Variants in GPC5 observed in about 807,000 individuals in gnomAD.
GPC5 encodes the protein glypican 5.
A neutral mutation model predicts 53.9 loss-of-function variants in GPC5; 47 were observed. The ratio of observed to expected loss-of-function variants is 0.87; its 90% CI spans 0.69 to 1.11. The LOEUF (loss-of-function observed/expected upper bound fraction) is 1.11. GPC5 is among the 50% of genes most tolerant of loss of function. The probability of loss-of-function intolerance (pLI) is 0.00; values close to 1 mark genes in which losing one functional copy is unlikely to be tolerated. For synonymous variants in GPC5, 286 were observed against 263.3 expected (o/e 1.09, Z -0.84); for missense variants, 748 against 713.1 (o/e 1.05, Z -0.56).
intron 2 of GPC5, among the ~76,000 whole-genome samples, chr13:91,542,165 G>T (rs927195808): frequency 2.0e-5 from 3 of 151,928 alleles, no homozygotes; most frequent in African/African-American, 2.4e-5. Context: ...CATGAAATTG[G>T]GTTTTATTCT....
chr13:91,829,403 A>G lies in GPC5; in HGVS notation c.1280+72983A>G, dbSNP rs189704543. On this transcript the variant is annotated intron_variant, in intron 5 of 7. Transcript: ENST00000377067. ...AAGACTGGATCCTGTACTGGGAAAA[A>G]CTATGGAGGACATAATGAGGACATA... 9.3e-3 allele frequency among the ~76,000 whole-genome samples: 1,420 copies of G among 152,184 alleles called. 9 individuals are homozygous for G. The highest frequency in any genetic ancestry group is 0.024 in the South Asian group (114 of 4,826).
intron 7 of GPC5, among the ~76,000 whole-genome samples, chr13:92,424,100 T>C (rs1016498348): frequency 6.6e-6 from 1 of 152,132 alleles, no homozygotes; most frequent in African/African-American, 2.4e-5. Context: ...AATGTATGAA[T>C]GTTTCCTAAT....
At position 91,399,224 on chromosome 13, in the gene GPC5, G is replaced by T. The variant is rs1473093676; in HGVS notation, c.163+15G>T. ...GCCGCGGGCAGGTAAGGGGCAATGA[G>T]GGGGTCTCTGGACTGGCGGCGTCCG... On this transcript the variant is annotated intron_variant, in intron 1 of 7. Transcript: ENST00000377067. 1.2e-6 allele frequency: 2 copies of T among 1,609,146 alleles called. No individual in the cohort carries two copies. Among genetic ancestry groups the T allele is most frequent in the South Asian group, 1.1e-5 (1 of 90,586 alleles).
intron 7 of GPC5, among the ~76,000 whole-genome samples, chr13:92,390,185 G>A (rs1356406709): frequency 6.6e-6 from 1 of 152,094 alleles, no homozygotes; most frequent in African/African-American, 2.4e-5. Flanking sequence ...GTATTAAACT[G>A]AAGAAAGATT....
intron 6 of GPC5, among the ~76,000 whole-genome samples, chr13:91,997,225 T>C (rs575139931): frequency 6.6e-6 from 1 of 152,320 alleles, no homozygotes; most frequent in South Asian, 2.1e-4. Context: ...TATGTCGTAC[T>C]GTCAATTTAT....
At chr13:91,913,286 C>A (rs2039627470) in intron 6 of GPC5, among the ~76,000 whole-genome samples, 2 of 151,618 alleles carry the variant, frequency 1.3e-5, no homozygotes, top group African/African-American at 4.9e-5. Context: ...GTATTCCCAG[C>A]TACTAGGGAG....
intron 7 of GPC5, among the ~76,000 whole-genome samples, chr13:92,632,129 C>T (rs971457577): frequency 1.3e-5 from 2 of 152,040 alleles, no homozygotes; most frequent in Admixed American, 1.3e-4. Context: ...ACACAAAAGT[C>T]AGGGCAACAG....
At position 92,269,295 on chromosome 13, in the gene GPC5, T is replaced by A. The variant is rs145812681; in HGVS notation, c.1561+124306T>A. ...ACCCCAATTTTTATATATCTGATTT[T>A]ACTTCTGTATGCTATTAGGTTGTAA... On this transcript the variant is annotated intron_variant, in intron 7 of 7. Coordinates refer to ENST00000377067, the MANE Select transcript of GPC5 (RefSeq NM_004466.6). Among the ~76,000 whole-genome samples the A allele has an allele frequency of 5.1e-3, 783 of 152,338 alleles. 7 individuals carry two copies. Among genetic ancestry groups the A allele is most frequent in the African/African-American group, 0.018 (751 of 41,586 alleles).
intron 7 of GPC5, among the ~76,000 whole-genome samples, chr13:92,863,165 T>A (rs2138857386): frequency 6.6e-6 from 1 of 152,266 alleles, no homozygotes; most frequent in Admixed American, 6.5e-5. Context: ...TGTTCTCAAT[T>A]TAAGTATTGA....
chr13:92,342,580 G>T (rs2043376323), intron 7 of GPC5, among the ~76,000 whole-genome samples: 1 of 152,048 alleles, frequency 6.6e-6, no homozygotes, highest in Admixed American at 6.6e-5. Flanking sequence ...ACCAGATAAT[G>T]AATCTGTTCA....
intron 7 of GPC5, among the ~76,000 whole-genome samples, chr13:92,304,817 T>C (rs1043466742): frequency 1.3e-5 from 2 of 152,192 alleles, no homozygotes; most frequent in South Asian, 4.1e-4. Context: ...TTGGCATATT[T>C]TACCCACTGA....
At chr13:92,494,576 G>C (rs149543838) in intron 7 of GPC5, among the ~76,000 whole-genome samples, 1 of 151,882 alleles carries the variant, frequency 6.6e-6, no homozygotes, top group African/African-American at 2.4e-5. Context: ...TATATAAATC[G>C]TATATATGAA....
At chr13:92,355,009 CTTTAA>C (rs1055702779) in intron 7 of GPC5, among the ~76,000 whole-genome samples, 7 of 81,612 alleles carry the variant, frequency 8.6e-5, no homozygotes, top group Non-Finnish European at 1.4e-4. Context: ...ATTAAATTAG[CTTTAA>C]TTTAATATTT....
chr13:92,443,209 A>G (rs2139388416), intron 7 of GPC5, among the ~76,000 whole-genome samples: 1 of 152,324 alleles, frequency 6.6e-6, no homozygotes, highest in East Asian at 1.9e-4. Context: ...GAGCTCTCAC[A>G]TGAACTCATA....
intron 7 of GPC5, among the ~76,000 whole-genome samples, chr13:92,377,676 T>G (rs1334200457): frequency 7.2e-5 from 11 of 152,148 alleles, no homozygotes; most frequent in Non-Finnish European, 1.5e-5. Context: ...TCACATATTA[T>G]TTTTTTACTA....
intron 2 of GPC5, among the ~76,000 whole-genome samples, chr13:91,637,626 G>C (rs1217601202): frequency 6.6e-6 from 1 of 152,174 alleles, no homozygotes; most frequent in East Asian, 1.9e-4. Context: ...CTTAAAAAGA[G>C]CTGGGAAACC....
chr13:92,045,343 C>G (rs1465255046), intron 6 of GPC5, among the ~76,000 whole-genome samples: 2 of 152,082 alleles, frequency 1.3e-5, no homozygotes, highest in African/African-American at 4.8e-5. Context: ...GGACATTAAC[C>G]CTGACCATGA....
intron 2 of GPC5, among the ~76,000 whole-genome samples, chr13:91,574,933 A>G (rs1367178693): frequency 6.6e-6 from 1 of 152,172 alleles, no homozygotes; most frequent in African/African-American, 2.4e-5. Context: ...ATGGCTAGGA[A>G]TCATCCTAGA....
At chr13:92,603,160 G>A (rs1192091704) in intron 7 of GPC5, among the ~76,000 whole-genome samples, 1 of 152,150 alleles carries the variant, frequency 6.6e-6, no homozygotes, top group Non-Finnish European at 1.5e-5. Context: ...GGTATAGTAT[G>A]GATAAAGGTC....
Sources: gnomAD v4.1 joint callset for allele counts (sites outside exome capture counted in the v4.1 genomes callset) on GRCh38, gnomAD v4.1.1 for gene constraint, MANE v1.5 for transcripts, NCBI Gene and HGNC (gene_info 2026-07-23, HGNC 2026-07-21) for gene names.